Variants in INTS7 observed in about 807,000 individuals in gnomAD.
The protein encoded by INTS7 is integrator complex subunit 7, also known as chromosome 1 open reading frame 73.
A neutral mutation model predicts 109.2 loss-of-function variants in INTS7; 46 were observed. That is an observed-to-expected ratio of 0.42 (90% confidence interval 0.33 to 0.54). INTS7 has a LOEUF of 0.54. INTS7 is among the 20% of genes least tolerant of loss of function. The pLI, the probability that INTS7 is intolerant of heterozygous loss-of-function variation, is 0.07. For synonymous variants in INTS7, 412 were observed against 402.9 expected, an observed-to-expected ratio of 1.02 and a Z score of -0.27; for missense variants, 929 against 1,132.4, an observed-to-expected ratio of 0.82 and a Z score of 2.58.
intron 7 of INTS7, among the ~76,000 whole-genome samples, chr1:211,991,922 C>T (rs1344747895): frequency 6.6e-6 from 1 of 152,042 alleles, no homozygotes; most frequent in East Asian, 1.9e-4. Flanking sequence ...TTGACAGTGC[C>T]AAATGTAAAG....
intron 11 of INTS7, among the ~76,000 whole-genome samples, chr1:211,978,003 C>T (rs1391736793): frequency 1.3e-5 from 2 of 152,094 alleles, no homozygotes; most frequent in Non-Finnish European, 1.5e-5. Flanking sequence ...AAGGCTTTGG[C>T]TATACTAGGC....
At position 211,992,753 on chromosome 1, in the gene INTS7, G is replaced by A. The variant is rs149866548; in HGVS notation, c.880-4750C>T. On this transcript the variant is annotated intron_variant, in intron 7 of 19. Coordinates refer to ENST00000366994, the MANE Select transcript of INTS7 (RefSeq NM_015434.4). Reference sequence around the variant, plus strand: ...TTAATCCAAATCAGTAAGCTTAACAGAGCAAATCATGAAGTTCCCCAGAAA... The same window carrying A: ...TTAATCCAAATCAGTAAGCTTAACAAAGCAAATCATGAAGTTCCCCAGAAA... 3.7e-3 allele frequency among the ~76,000 whole-genome samples: 563 copies of A among 152,272 alleles called. 4 individuals are homozygous for A. The highest frequency in any genetic ancestry group is 6.0e-3 in the Non-Finnish European group (410 of 68,026).
chr1:212,033,216 A>G (rs1667249864), intron 1 of INTS7, among the ~76,000 whole-genome samples: 1 of 152,232 alleles, frequency 6.6e-6, no homozygotes, highest in East Asian at 1.9e-4. Flanking sequence ...TGGAACTTGT[A>G]GCCTTCTGAC....
intron 13 of INTS7, among the ~76,000 whole-genome samples, chr1:211,971,932 A>AAAG (rs1664195319): frequency 1.4e-5 from 2 of 146,156 alleles, no homozygotes; most frequent in East Asian, 1.9e-4. Flanking sequence ...AAAAAAAAAA[A>AAAG]AAAAGAAAAG....
At position 211,946,173 on chromosome 1, in the gene INTS7, C is replaced by T. The variant is rs76778978; in HGVS notation, c.2415+434G>A. Among the ~76,000 whole-genome samples the T allele has an allele frequency of 0.026, 3,930 of 152,308 alleles. 56 individuals are homozygous for T. The highest frequency in any genetic ancestry group is 0.045 in the African/African-American group (1,872 of 41,566). ...CTTGATAAAGGAGAGAAATGGCTTACAACTAGGTTTTATCAAAACCAAAGG... is the reference window on the plus strand; with the variant it reads ...CTTGATAAAGGAGAGAAATGGCTTATAACTAGGTTTTATCAAAACCAAAGG... On this transcript the variant is annotated intron_variant, in intron 18 of 19. Coordinates refer to ENST00000366994, the MANE Select transcript of INTS7 (RefSeq NM_015434.4). This position sits in a 1 kb window ranked among gnomAD's most constrained non-coding sequence, Gnocchi z 4.3.
At chr1:211,976,530 A>C in intron 12 of INTS7, 52 bp downstream of exon 12, 14 of 1,504,760 alleles carry the variant, frequency 9.3e-6, no homozygotes, top group Non-Finnish European at 1.3e-5. Context: ...AATTGAAGAT[A>C]CATGATCTGA....
In INTS7 at chr1:212,007,250, C is replaced by T. The variant is rs370390941; in HGVS notation, c.756G>A (p.Gln252=). The T allele has an allele frequency of 5.7e-5, 92 of 1,608,526 alleles. No homozygotes were observed. Among genetic ancestry groups the T allele is most frequent in the Non-Finnish European group, 7.4e-5 (87 of 1,175,464 alleles). ...GCAGTTTAAAGAAAATTGAAATTAC[C>T]TGCTTAGGTGTATCAACCAAAGATG... ...AASSLVDTPK[Q]IQLLLQYLKN... is the part of the protein sequence containing the mutation. Residue 252 remains glutamine (Q), a splice_region_variant and synonymous_variant, in exon 6 of 20, where the codon CAG becomes CAA. Transcript: ENST00000366994.
At chr1:212,001,211 G>A (rs1249722442) in intron 7 of INTS7, among the ~76,000 whole-genome samples, 1 of 152,022 alleles carries the variant, frequency 6.6e-6, no homozygotes, top group African/African-American at 2.4e-5. Flanking sequence ...GGGATTACAG[G>A]CATGCGCCAT....
Position 212,030,481 on chromosome 1 carries a change from AT to A in INTS7, c.94+4862del, listed in dbSNP as rs1048185029. Among the ~76,000 whole-genome samples, 10 of 151,778 alleles carry A rather than the reference AT, an allele frequency of 6.6e-5. 1 individual carries two copies. The highest frequency in any genetic ancestry group is 1.3e-4 in the Admixed American group (2 of 15,226). ...TTTTTGTATTTTTAGTACAGATGGG[AT>A]TTCACCATCTTGGGCAGGCTGGTCT... On this transcript the variant is annotated intron_variant, in intron 1 of 19. Transcript: ENST00000366994.
rs893014542 is a variant in INTS7 at position 211,946,947 on chromosome 1, C to G, written c.2317-242G>C. On this transcript the variant is annotated intron_variant, in intron 17 of 19. Transcript: ENST00000366994. The surrounding 1 kb of genome is among the most constrained non-coding windows in gnomAD (Gnocchi z 4.3). ...TGACAGAAATGAGAAAATCCACAGTCCTCGAGGCCAAGCAATAGGCAAATT... is the reference window on the plus strand; with the variant it reads ...TGACAGAAATGAGAAAATCCACAGTGCTCGAGGCCAAGCAATAGGCAAATT... Among the ~76,000 whole-genome samples, 1 of 151,530 alleles carries G rather than the reference C, an allele frequency of 6.6e-6. No homozygotes were observed. The highest frequency in any genetic ancestry group is 1.5e-5 in the Non-Finnish European group (1 of 67,926).
At chr1:212,008,729 C>G (rs1189803977) in intron 5 of INTS7, among the ~76,000 whole-genome samples, 2 of 152,190 alleles carry the variant, frequency 1.3e-5, no homozygotes, top group Non-Finnish European at 2.9e-5. Flanking sequence ...ATATTCCTGT[C>G]TCAGTAAATC....
intron 16 of INTS7, among the ~76,000 whole-genome samples, chr1:211,964,799 C>T (rs1663797678): frequency 6.6e-6 from 1 of 152,196 alleles, no homozygotes; most frequent in African/African-American, 2.4e-5. Flanking sequence ...CCCTTCCTTA[C>T]ACCACAGACA....
rs368959797 is a variant in INTS7, at chr1:211,999,340, T to C, written c.879+7299A>G. ...ACATGGATAAATATTAAAAGTATTA[T>C]GGTAAGTGAAAGAAGCCATATCCAA... is the stretch of plus-strand genomic sequence containing the variant. On this transcript the variant is annotated intron_variant, in intron 7 of 19. Transcript: ENST00000366994. Among the ~76,000 whole-genome samples the C allele has an allele frequency of 3.7e-4, 57 of 152,332 alleles. 1 individual carries two copies. The highest frequency in any genetic ancestry group is 1.2e-3 in the African/African-American group (50 of 41,574).
intron 13 of INTS7, among the ~76,000 whole-genome samples, chr1:211,969,414 C>T (rs1261268997): frequency 6.6e-6 from 1 of 151,746 alleles, no homozygotes; most frequent in Non-Finnish European, 1.5e-5. Context: ...CTTGTAAAGT[C>T]GGGGGCAGAA....
At chr1:211,972,636 G>A (rs1300083218) in intron 13 of INTS7, among the ~76,000 whole-genome samples, 1 of 152,166 alleles carries the variant, frequency 6.6e-6, no homozygotes, top group Non-Finnish European at 1.5e-5. Context: ...TATGGCAAAA[G>A]TGATGAGATT....
At chr1:212,021,738 C>A (rs994190861) in intron 1 of INTS7, among the ~76,000 whole-genome samples, 30 of 150,772 alleles carry the variant, frequency 2.0e-4, no homozygotes, top group Admixed American at 2.0e-3. Context: ...GACCCAGCTA[C>A]TGAGGAGGCT....
chr1:211,945,625 A>G (rs1313028178), intron 18 of INTS7, among the ~76,000 whole-genome samples: 5 of 152,340 alleles, frequency 3.3e-5, no homozygotes, highest in South Asian at 2.1e-4. Flanking sequence ...TCTTATCTAG[A>G]TCGTCAAATC....
At chr1:211,960,440 G>A (rs951872768) in intron 16 of INTS7, among the ~76,000 whole-genome samples, 6 of 152,124 alleles carry the variant, frequency 3.9e-5, no homozygotes, top group African/African-American at 1.2e-4. Context: ...TCCAGCAAGC[G>A]TTCTGAACTG....
intron 10 of INTS7, 146 bp downstream of exon 10, chr1:211,980,947 T>C (rs1664634448): frequency 4.1e-6 from 2 of 484,716 alleles, no homozygotes; most frequent in South Asian, 8.9e-5. Context: ...ATCAGTTAGA[T>C]TAAATCAGTG....
Sources: allele counts gnomAD v4.1 joint callset (sites outside exome capture counted in the v4.1 genomes callset), GRCh38; gene constraint gnomAD v4.1.1; non-coding constraint Gnocchi (gnomAD v3.1); transcripts MANE v1.5; gene names NCBI Gene and HGNC (gene_info 2026-07-23, HGNC 2026-07-21).